Variants in SH3TC1 observed in about 807,000 individuals in gnomAD.
The protein encoded by SH3TC1 is SH3 domain and tetratricopeptide repeats 1.
A neutral mutation model predicts 117.3 loss-of-function variants in SH3TC1; 135 were observed. The observed-to-expected ratio is 1.15, with a 90% confidence interval of 1.00 to 1.33. The LOEUF is 1.33. Ranked by LOEUF, SH3TC1 falls within the 40% of genes most tolerant of loss-of-function variation. SH3TC1 has a pLI of 0.00. For missense variants in SH3TC1, 2,092 were observed against 1,794.3 expected, an observed-to-expected ratio of 1.17 and a Z score of -3.00; for synonymous variants, 898 against 816.9, an observed-to-expected ratio of 1.10 and a Z score of -1.69.
chr4:8,235,696 G>A (rs193036743), intron 15 of SH3TC1, 141 bp downstream of exon 15: 25 of 1,221,604 alleles, frequency 2.0e-5, no homozygotes, highest in East Asian at 7.7e-5. Context: ...TGGTTTCACC[G>A]GGAATGATAT....
intron 16 of SH3TC1, 108 bp from the exon 17 acceptor site, chr4:8,237,366 C>T: frequency 1.1e-6 from 1 of 946,504 alleles, no homozygotes; most frequent in Non-Finnish European, 1.5e-6. Context: ...CTGGCCAGAA[C>T]TGCCCAGGTG....
At chr4:8,211,058 TCC>T (rs2152982664) in intron 3 of SH3TC1, among the ~76,000 whole-genome samples, 1 of 94,082 alleles carries the variant, frequency 1.1e-5, no homozygotes, top group South Asian at 4.1e-4. Context: ...TTCTCTCCCC[TCC>T]CTCCCTCTCT....
intron 17 of SH3TC1, among the ~76,000 whole-genome samples, chr4:8,240,127 A>T (rs1722200668): frequency 6.6e-6 from 1 of 152,062 alleles, no homozygotes; most frequent in Non-Finnish European, 1.5e-5. Context: ...GTCAAGGAGG[A>T]GGTCTGGGAA....
intron 11 of SH3TC1, among the ~76,000 whole-genome samples, chr4:8,226,578 A>G (rs1442688903): frequency 2.0e-5 from 3 of 152,210 alleles, no homozygotes; most frequent in Admixed American, 1.3e-4. Flanking sequence ...CAAAAATTAC[A>G]TTTGTAGTCG....
At chr4:8,236,576 G>A (rs1043665905) in intron 16 of SH3TC1, 148 bp downstream of exon 16, 5 of 1,111,954 alleles carry the variant, frequency 4.5e-6, no homozygotes, top group South Asian at 3.6e-5. Flanking sequence ...TCCCCCGTCC[G>A]GCCGTGGGGC....
intron 16 of SH3TC1, chr4:8,237,020 C>T (rs78897960): frequency 0.011 from 1,916 of 170,704 alleles, 45 homozygotes; most frequent in African/African-American, 0.043. Context: ...GGGAGGACAC[C>T]GGAGACAGCC....
At position 8,227,293 on chromosome 4, in the gene SH3TC1, C is replaced by A; in HGVS notation, c.1599C>A (p.Phe533Leu). ...GGCTGAGCAGCGTGTTCCGCAGCTTCAGCGACGAGGAGGAGCTGACTGGGC... is the reference window on the plus strand; with the variant it reads ...GGCTGAGCAGCGTGTTCCGCAGCTTAAGCGACGAGGAGGAGCTGACTGGGC... ...LPWLSSVFRSFSDEEELTGRL... is the reference protein window; with the variant it reads ...LPWLSSVFRSLSDEEELTGRL... The change falls in exon 12 of 18, where the codon TTC (phenylalanine) becomes TTA (leucine). Residue 533 changes from phenylalanine (F) to leucine (L), a missense_variant. By Grantham distance (22) the Phe-to-Leu change is conservative. Coordinates refer to ENST00000245105, the MANE Select transcript of SH3TC1 (RefSeq NM_018986.5). The A allele has an allele frequency of 3.1e-6, 5 of 1,609,040 alleles. No homozygotes were observed. The highest frequency in any genetic ancestry group is 2.2e-5 in the South Asian group (2 of 90,686).
In SH3TC1 at chr4:8,219,489, T is replaced by C. The variant is rs1283823924; in HGVS notation, c.1071T>C (p.Phe357=). 5 of 1,598,540 alleles carry C rather than the reference T, an allele frequency of 3.1e-6. No individual in the cohort carries two copies. In the African/African-American group the frequency reaches 4.0e-5, roughly 13 times the overall value. Residue 357 remains phenylalanine, a synonymous_variant, in exon 9 of 18, where the codon TTT becomes TTC. Coordinates refer to ENST00000245105, the MANE Select transcript of SH3TC1 (RefSeq NM_018986.5). ...ACGCAGCCTCGGGCCGGGTGGGGTT[T>C]GTGCGGAGCAGCCTCATCAGCATGC... The part of the protein sequence containing the change: ...GRHAASGRVG[F]VRSSLISMQG...
intron 14 of SH3TC1, among the ~76,000 whole-genome samples, chr4:8,234,478 T>TCCATCCATCCATCCAC (rs1721614305): frequency 1.1e-5 from 1 of 94,000 alleles, no homozygotes. Context: ...ATTCAACCCA[T>TCCATCCATCCATCCAC]CCATCCATCC....
chr4:8,223,058 G>A, intron 10 of SH3TC1, 88 bp downstream of exon 10: 2 of 1,499,944 alleles, frequency 1.3e-6, no homozygotes, highest in East Asian at 2.4e-5. Flanking sequence ...CACAGATAGT[G>A]CCAGCCCCTG....
In SH3TC1 at chr4:8,223,779, C is replaced by T. The variant is rs183794334; in HGVS notation, c.1243+809C>T. ...TCCCAAGTAGCTGGAACTACAGGCA[C>T]GCGCCACCACACCCTGGATTAGTTT... is the stretch of plus-strand genomic sequence containing the variant. On this transcript the variant is annotated intron_variant, in intron 10 of 17. Coordinates refer to ENST00000245105, the MANE Select transcript of SH3TC1 (RefSeq NM_018986.5). 2.9e-4 allele frequency among the ~76,000 whole-genome samples: 44 copies of T among 152,116 alleles called. 1 individual carries two copies. Among genetic ancestry groups the T allele is most frequent in the Admixed American group, 1.2e-3 (19 of 15,284 alleles).
rs369453004 is a variant in SH3TC1 at position 8,205,770 on chromosome 4, C to T, written c.172+404C>T. On this transcript the variant is annotated intron_variant, in intron 2 of 17. Coordinates refer to ENST00000245105, the MANE Select transcript of SH3TC1 (RefSeq NM_018986.5). This position sits in a 1 kb window ranked among gnomAD's most constrained non-coding sequence, Gnocchi z 5.4. ...ACCCAAGGTGCAGAGAGGGAAGGGC[C>T]GGGCCAGGCCACCCTGTGGTCAGGG... The T allele has an allele frequency of 1.2e-3, 775 of 643,714 alleles. 6 individuals carry two copies. The African/African-American group carries it at 0.012, about 10-fold the overall frequency. 39.9% of individuals were successfully genotyped at this position (643,714 alleles called of 1,614,324 possible).
chr4:8,229,121 G>T (rs762880066), intron 12 of SH3TC1: 1 of 158,248 alleles, frequency 6.3e-6, no homozygotes, highest in Non-Finnish European at 1.4e-5. Context: ...ACCCAAAGCC[G>T]CAGAAAAGTT....
At position 8,209,979 on chromosome 4, in the gene SH3TC1, C is replaced by T. The variant is rs531434370; in HGVS notation, c.247+157C>T. Among the ~76,000 whole-genome samples, 23 of 152,300 alleles carry T rather than the reference C, an allele frequency of 1.5e-4. No individual in the cohort carries two copies. The South Asian group carries it at 1.7e-3, about 11-fold the overall frequency. ...AATAGAAAGAAGGGTTTGTTAAATG[C>T]GCATGCCCAGGTCCTGCACCCAGAG... On this transcript the variant is annotated intron_variant, in intron 3 of 17. Transcript: ENST00000245105. The surrounding 1 kb of genome is among the most constrained non-coding windows in gnomAD (Gnocchi z 5.9).
At chr4:8,199,621 G>A (rs1160632441) in intron 1 of SH3TC1, among the ~76,000 whole-genome samples, 4 of 152,216 alleles carry the variant, frequency 2.6e-5, no homozygotes, top group African/African-American at 4.8e-5. Context: ...GTGCCAATCC[G>A]CAGTGATTGA....
At chr4:8,202,776 A>AC (rs1420705679) in intron 1 of SH3TC1, among the ~76,000 whole-genome samples, 2 of 152,006 alleles carry the variant, frequency 1.3e-5, no homozygotes, top group Non-Finnish European at 2.9e-5. Context: ...GAGCTAGGGG[A>AC]CCCTCTCTAT....
chr4:8,234,568 TATCCATCCATCCACCC>T (rs1213593690), intron 14 of SH3TC1, among the ~76,000 whole-genome samples: 6 of 149,434 alleles, frequency 4.0e-5, no homozygotes, highest in Middle Eastern at 3.7e-3. Context: ...CTCATCCATT[TATCCATCCATCCACCC>T]ATCCATCCAT....
At chr4:8,222,340 AC>A (rs1719995700) in intron 9 of SH3TC1, among the ~76,000 whole-genome samples, 1 of 126,452 alleles carries the variant, frequency 7.9e-6, no homozygotes. Flanking sequence ...CAGACAAGGC[AC>A]CCCTTGAGGT....
chr4:8,235,994 G>A, intron 15 of SH3TC1: 2 of 469,300 alleles, frequency 4.3e-6, no homozygotes, highest in Admixed American at 3.9e-5. Context: ...TAAATGTCGT[G>A]TTTTTAGAGC....
Sources: gnomAD v4.1 joint callset for allele counts (sites outside exome capture counted in the v4.1 genomes callset) on GRCh38, gnomAD v4.1.1 for gene constraint, Gnocchi (gnomAD v3.1) non-coding constraint, MANE v1.5 for transcripts, NCBI Gene and HGNC (gene_info 2026-07-23, HGNC 2026-07-21) for gene names.